Variants in CA9 observed in about 807,000 individuals in gnomAD.
CA9 encodes the protein CA-IX.
Under a neutral mutation model 51.8 loss-of-function variants are expected in CA9, and 43 were observed. The ratio of observed to expected loss-of-function variants is 0.83; its 90% confidence interval spans 0.65 to 1.07. The LOEUF (loss-of-function observed/expected upper bound fraction) is 1.07. CA9 is among the 50% of genes least tolerant of loss of function. CA9 has a pLI of 0.00. For synonymous variants in CA9, 253 were observed against 244.2 expected (o/e 1.04, Z -0.34); for missense variants, 574 against 581.4 (o/e 0.99, Z 0.13).
At chr9:35,676,869 A>AT (rs1378266830) in intron 5 of CA9, among the ~76,000 whole-genome samples, 1 of 151,946 alleles carries the variant, frequency 6.6e-6, no homozygotes, top group African/African-American at 2.4e-5. Context: ...TTATTTATTT[A>AT]TTTTTTTGAC....
In CA9 at chr9:35,677,891, C is replaced by T. The variant is rs1203182398; in HGVS notation, c.907+35C>T. On this transcript the variant is annotated intron_variant, in intron 6 of 10. Transcript: ENST00000378357. The stretch of plus-strand genomic sequence containing the variant: ...TTGGTCTGGCCACTAATCTCTGTGG[C>T]CTAGTTCATAAAGAATCACCCTTTG... The T allele has an allele frequency of 3.2e-6, 5 of 1,584,396 alleles. No homozygotes were observed. In the African/African-American group the frequency reaches 6.7e-5, roughly 21 times the overall value.
chr9:35,680,658 G>T, intron 9 of CA9, 95 bp from the exon 10 acceptor site: 3 of 984,546 alleles, frequency 3.0e-6, no homozygotes, highest in South Asian at 1.4e-5. Context: ...CTGAGAACTC[G>T]GGGCAGGGGT....
chr9:35,680,623 T>TG (rs1824527316), intron 9 of CA9, 130 bp from the exon 10 acceptor site: 1 of 710,778 alleles, frequency 1.4e-6, no homozygotes, highest in Admixed American at 2.3e-5. Flanking sequence ...TGGCCTCTTC[T>TG]GGAGACTGAG....
In CA9 at chr9:35,680,118, C is replaced by A; in HGVS notation, c.1216C>A (p.Leu406Met). 6.2e-7 allele frequency: 1 copy of A among 1,614,218 alleles called. No homozygotes were observed. The highest frequency in any genetic ancestry group is 8.5e-7 in the Non-Finnish European group (1 of 1,180,034). The change falls in exon 9 of 11, where the codon CTG becomes ATG. Residue 406 changes from leucine (L) to methionine (M), a missense_variant. Coordinates refer to ENST00000378357, the MANE Select transcript of CA9 (RefSeq NM_001216.3). ...CATCTCCTTTTTCTCTCCAGTCCAGCTGAATTCCTGCCTGGCTGCTGGTGA... is the reference window on the plus strand; with the variant it reads ...CATCTCCTTTTTCTCTCCAGTCCAGATGAATTCCTGCCTGGCTGCTGGTGA... Reference protein sequence around the residue: ...SSPRAAEPVQLNSCLAAGDIL... With the variant: ...SSPRAAEPVQMNSCLAAGDIL...
chr9:35,675,419 T>C (rs1824396150), intron 1 of CA9, 119 bp from the exon 2 acceptor site: 1 of 1,175,828 alleles, frequency 8.5e-7, no homozygotes, highest in Non-Finnish European at 1.3e-6. Context: ...CCTGGCCCGC[T>C]TAAGGCATTT....
chr9:35,679,051 G>A, intron 6 of CA9, 134 bp from the exon 7 acceptor site: 2 of 889,288 alleles, frequency 2.2e-6, no homozygotes, highest in Non-Finnish European at 3.6e-6. Flanking sequence ...TTATGGGAAG[G>A]GCCTGCACTT....
Position 35,679,865 on chromosome 9 carries a change from C to T in CA9, c.1077C>T (p.Leu359=). 3.1e-6 allele frequency: 5 copies of T among 1,609,374 alleles called. No homozygotes were observed. Among genetic ancestry groups the T allele is most frequent in the Non-Finnish European group, 4.2e-6 (5 of 1,178,016 alleles). The change falls in exon 8 of 11, where the codon CTC becomes CTT. Residue 359 remains leucine (L), a synonymous_variant. Coordinates refer to ENST00000378357, the MANE Select transcript of CA9 (RefSeq NM_001216.3). ...ACTGACCTCCCTAGCTCCACACCCT[C>T]TCTGACACCCTGTGGGGACCTGGTG... The part of the protein sequence containing the change: ...VMLSAKQLHT[L]SDTLWGPGDS...
chr9:35,674,458 G>A (rs1824379176), intron 1 of CA9, 96 bp downstream of exon 1: 2 of 1,185,754 alleles, frequency 1.7e-6, no homozygotes, highest in African/African-American at 3.1e-5. Context: ...GGAAGGAGGG[G>A]AGACTGTACT....
At chr9:35,675,452 G>C in intron 1 of CA9, 86 bp from the exon 2 acceptor site, 1 of 1,451,972 alleles carries the variant, frequency 6.9e-7, no homozygotes, top group Non-Finnish European at 9.7e-7. Flanking sequence ...GCTCCTGTAA[G>C]GCATCTGCGT....
Position 35,679,253 on chromosome 9 carries a change from C to T in CA9, c.976C>T (p.Gln326Ter). ...LLPSDFSRYF[Q>*]YEGSLTTPPC... The stretch of plus-strand genomic sequence containing the variant: ...GCCCTCTGACTTCAGCCGCTACTTC[C>T]AATATGAGGGGTCTCTGACTACACC... The change falls in exon 7 of 11, where the codon CAA (glutamine) becomes TAA (stop). Residue 326 changes from glutamine (Q) to a stop codon, truncating the protein, a stop_gained. Coordinates refer to ENST00000378357, the MANE Select transcript of CA9 (RefSeq NM_001216.3). LOFTEE classifies it high-confidence loss of function. The T allele has an allele frequency of 1.2e-6, 2 of 1,614,138 alleles. No homozygotes were observed. The highest frequency in any genetic ancestry group is 2.2e-5 in the South Asian group (2 of 91,080).
At chr9:35,676,436 C>G (rs755522970) in intron 5 of CA9, 47 bp downstream of exon 5, 4 of 1,469,988 alleles carry the variant, frequency 2.7e-6, no homozygotes, top group Non-Finnish European at 9.4e-7. Context: ...CCATCCCATG[C>G]TCCTCCCGGA....
chr9:35,678,226 A>G (rs980257051), intron 6 of CA9, among the ~76,000 whole-genome samples: 2 of 151,980 alleles, frequency 1.3e-5, no homozygotes, highest in Non-Finnish European at 2.9e-5. Flanking sequence ...GGTGCCTGTA[A>G]TCCCAGCTAC....
At chr9:35,674,926 A>G (rs1230738070) in intron 1 of CA9, 2 of 155,800 alleles carry the variant, frequency 1.3e-5, no homozygotes, top group South Asian at 3.9e-4. Flanking sequence ...GAGAAGAAAG[A>G]AGGGAGAAAG....
Position 35,680,005 on chromosome 9 carries a change from C to A in CA9, c.1210+7C>A, listed in dbSNP as rs1317889986. 1 of 1,614,224 alleles carries A rather than the reference C, an allele frequency of 6.2e-7. No homozygotes were observed. Among genetic ancestry groups the A allele is most frequent in the East Asian group, 2.2e-5 (1 of 44,882 alleles). On this transcript the variant is annotated splice_region_variant and intron_variant, in intron 8 of 10. Transcript: ENST00000378357. The stretch of plus-strand genomic sequence containing the variant: ...CCTCGGGCTGCTGAGCCAGGTACAG[C>A]TTTGTCTGGTTTCCCCCCAGCCAGT...
Position 35,675,853 on chromosome 9 carries a change from G to C in CA9, c.526G>C (p.Ala176Pro). The C allele has an allele frequency of 6.2e-7, 1 of 1,605,168 alleles. No individual in the cohort carries two copies. The highest frequency in any genetic ancestry group is 1.1e-5 in the South Asian group (1 of 90,952). The change falls in exon 3 of 11, where the codon GCC becomes CCC. Residue 176 changes from alanine to proline, a missense_variant. By Grantham distance (27) the Ala-to-Pro change is conservative. Coordinates refer to ENST00000378357, the MANE Select transcript of CA9 (RefSeq NM_001216.3). ...IRPQLAAFCP[A>P]LRPLELLGFQ... The stretch of plus-strand genomic sequence containing the variant: ...CCCCCAGCTCGCCGCCTTCTGCCCG[G>C]CCCTGCGCCCCCTGGAACTCCTGGG...
intron 1 of CA9, chr9:35,674,802 A>C: frequency 6.2e-6 from 1 of 161,828 alleles, no homozygotes; most frequent in Non-Finnish European, 1.4e-5. Flanking sequence ...CAATGAGGAA[A>C]TTGAGACCTA....
At chr9:35,675,602 G>A (rs1322583535) in intron 2 of CA9, 35 bp downstream of exon 2, 3 of 1,613,194 alleles carry the variant, frequency 1.9e-6, no homozygotes, top group South Asian at 1.1e-5. Flanking sequence ...ACCCAATCTG[G>A]GAACCCAGCT....
At position 35,680,985 on chromosome 9, in the gene CA9, T is replaced by G; in HGVS notation, c.1340T>G (p.Val447Gly). The G allele has an allele frequency of 6.2e-7, 1 of 1,613,988 alleles. No individual in the cohort carries two copies. Among genetic ancestry groups the G allele is most frequent in the Non-Finnish European group, 8.5e-7 (1 of 1,179,980 alleles). Residue 447 changes from valine (V) to glycine (G), a missense_variant, in exon 11 of 11, where the codon GTG becomes GGG. Coordinates refer to ENST00000378357, the MANE Select transcript of CA9 (RefSeq NM_001216.3). ...RQHRRGTKGGVSYRPAEVAET... is the reference protein window; with the variant it reads ...RQHRRGTKGGGSYRPAEVAET... ...CACAGAAGGGGAACCAAAGGGGGTG[T>G]GAGCTACCGCCCAGCAGAGGTAGCC...
At position 35,675,231 on chromosome 9, in the gene CA9, T is replaced by G. The variant is rs577033705; in HGVS notation, c.404-307T>G. 46 of 421,166 alleles carry G rather than the reference T, an allele frequency of 1.1e-4. 1 individual carries two copies. In the East Asian group the frequency reaches 2.1e-3, roughly 20 times the overall value. 26.1% of individuals were successfully genotyped at this position (421,166 alleles called of 1,614,324 possible). ...CTGGTCTCGAACTCCTGATCTCAGG[T>G]GATCCAACCACCCTGGCCTCCCAAA... On this transcript the variant is annotated intron_variant, in intron 1 of 10. Coordinates refer to ENST00000378357, the MANE Select transcript of CA9 (RefSeq NM_001216.3).
Sources: allele counts gnomAD v4.1 joint callset (sites outside exome capture counted in the v4.1 genomes callset), GRCh38; gene constraint gnomAD v4.1.1; transcripts MANE v1.5; gene names NCBI Gene and HGNC (gene_info 2026-07-23, HGNC 2026-07-21).